The following ACTR3C variants were observed in gnomAD, a reference collection of about 807,000 sequenced individuals.
ACTR3C encodes the protein actin-related protein 3C.
In ACTR3C, 18 loss-of-function variants were observed where a neutral mutation model predicts 26.3. The ratio of observed to expected loss-of-function variants is 0.68; its 90% CI spans 0.47 to 1.01. ACTR3C has a LOEUF of 1.01. Ranked by LOEUF, ACTR3C falls within the 50% of genes least tolerant of loss-of-function variation. ACTR3C has a pLI of 0.00. For missense variants in ACTR3C, 184 were observed against 250.7 expected, an observed-to-expected ratio of 0.73 and a Z score of 1.80; for synonymous variants, 55 against 94.5, an observed-to-expected ratio of 0.58 and a Z score of 2.42.
intron 6 of ACTR3C, among the ~76,000 whole-genome samples, chr7:150,254,916 G>A (rs191789370): frequency 3.3e-5 from 5 of 152,196 alleles, no homozygotes; most frequent in South Asian, 2.1e-4. Flanking sequence ...TGTCTTCCTC[G>A]AATATGGCAT....
At chr7:150,161,226 T>TATATATATATA in the ACTR3C span, among the ~76,000 whole-genome samples, 3 of 78,914 alleles carry the variant, frequency 3.8e-5, no homozygotes, top group African/African-American at 2.1e-4. Flanking sequence ...ATATATATAT[T>TATATATATATA]TATTATACTT....
At chr7:149,966,888 G>C in the ACTR3C span, among the ~76,000 whole-genome samples, 2 of 151,520 alleles carry the variant, frequency 1.3e-5, no homozygotes, top group Non-Finnish European at 2.9e-5. Flanking sequence ...GGGGGACAGA[G>C]TCTTACTCTG....
the ACTR3C span, among the ~76,000 whole-genome samples, chr7:149,984,974 C>T: frequency 1.4e-3 from 209 of 152,126 alleles, no homozygotes; most frequent in Middle Eastern, 6.8e-3. Context: ...AGAATCCTGC[C>T]TTATGCCTAA....
At chr7:150,143,281 G>A in the ACTR3C span, among the ~76,000 whole-genome samples, 1 of 151,994 alleles carries the variant, frequency 6.6e-6, no homozygotes, top group African/African-American at 2.4e-5. Flanking sequence ...AATCAAGAGG[G>A]ATGAAGTTAG....
chr7:150,112,683 A>G, the ACTR3C span, among the ~76,000 whole-genome samples: 1 of 152,172 alleles, frequency 6.6e-6, no homozygotes, highest in African/African-American at 2.4e-5. Flanking sequence ...ACAGCCACCC[A>G]TCTAAGATTA....
chr7:150,101,247 A>C, the ACTR3C span, among the ~76,000 whole-genome samples: 1 of 151,692 alleles, frequency 6.6e-6, no homozygotes, highest in Admixed American at 6.6e-5. Flanking sequence ...AAAGCCTTGC[A>C]GATGTGATGG....
the ACTR3C span, among the ~76,000 whole-genome samples, chr7:149,969,746 A>C: frequency 1.1e-4 from 17 of 152,364 alleles, no homozygotes; most frequent in Non-Finnish European, 2.2e-4. Flanking sequence ...ACTTAGTATA[A>C]AATGCCCAAA....
chr7:150,170,349 C>G, the ACTR3C span, among the ~76,000 whole-genome samples: 1 of 150,866 alleles, frequency 6.6e-6, no homozygotes, highest in Admixed American at 6.6e-5. Context: ...CTGCCATGTT[C>G]TCTCTGCTAG....
At chr7:149,922,111 A>T in the ACTR3C span, among the ~76,000 whole-genome samples, 1 of 141,884 alleles carries the variant, frequency 7.0e-6, no homozygotes, top group Non-Finnish European at 1.6e-5. Flanking sequence ...CAATGTCTTG[A>T]AATCTCTGTG....
the ACTR3C span, among the ~76,000 whole-genome samples, chr7:150,080,935 A>G: frequency 6.6e-6 from 1 of 152,330 alleles, no homozygotes; most frequent in Non-Finnish European, 1.5e-5. Flanking sequence ...ATCAATAATA[A>G]CACCATCTTT....
the ACTR3C span, among the ~76,000 whole-genome samples, chr7:150,207,161 G>T: frequency 6.6e-6 from 1 of 152,204 alleles, no homozygotes; most frequent in Non-Finnish European, 1.5e-5. Flanking sequence ...ATATTTCTAT[G>T]ACTGCAGGAC....
intron 1 of ACTR3C, among the ~76,000 whole-genome samples, chr7:150,319,521 T>C (rs1217285304): frequency 5.3e-5 from 8 of 152,150 alleles, no homozygotes; most frequent in Non-Finnish European, 8.8e-5. Context: ...ACAAACTTCT[T>C]AAGGGTCTGT....
chr7:150,066,992 C>A, the ACTR3C span, among the ~76,000 whole-genome samples: 1 of 152,154 alleles, frequency 6.6e-6, no homozygotes, highest in East Asian at 1.9e-4. Context: ...GAAAACTAAT[C>A]AACCATGGAA....
intron 6 of ACTR3C, among the ~76,000 whole-genome samples, chr7:150,258,284 G>A (rs980385818): frequency 1.2e-4 from 18 of 149,182 alleles, no homozygotes; most frequent in African/African-American, 4.4e-4. Flanking sequence ...CTGTGAAAAC[G>A]CCCTCAATCT....
At chr7:150,103,950 A>G in the ACTR3C span, among the ~76,000 whole-genome samples, 2 of 151,974 alleles carry the variant, frequency 1.3e-5, no homozygotes, top group Non-Finnish European at 1.5e-5. Context: ...AAAAATTACC[A>G]CTATTGGAGA....
At chr7:150,192,397 C>G in the ACTR3C span, among the ~76,000 whole-genome samples, 8 of 152,058 alleles carry the variant, frequency 5.3e-5, no homozygotes, top group Admixed American at 2.6e-4. Context: ...CTCCTGGGCT[C>G]AAGAGATCCT....
the ACTR3C span, among the ~76,000 whole-genome samples, chr7:149,984,353 G>A: frequency 2.0e-5 from 3 of 152,004 alleles, no homozygotes; most frequent in Non-Finnish European, 4.4e-5. Flanking sequence ...ACAGGCATGC[G>A]CCACCACACC....
chr7:150,046,645 C>T, the ACTR3C span, among the ~76,000 whole-genome samples: 2 of 137,436 alleles, frequency 1.5e-5, no homozygotes, highest in Admixed American at 7.3e-5. Context: ...GAGAGCCTGT[C>T]GGGGATTTTT....
chr7:150,235,302 A>G, the ACTR3C span, among the ~76,000 whole-genome samples: 1 of 152,230 alleles, frequency 6.6e-6, no homozygotes, highest in Non-Finnish European at 1.5e-5. Flanking sequence ...AGGCTTGAAG[A>G]AACAAAGTAC....
Sources: allele counts gnomAD v4.1 joint callset (sites outside exome capture counted in the v4.1 genomes callset), GRCh38; gene constraint gnomAD v4.1.1; transcripts MANE v1.5; gene names NCBI Gene and HGNC (gene_info 2026-07-23, HGNC 2026-07-21).